ERG: variants seen among roughly 807,000 people sequenced by gnomAD.
The protein encoded by ERG is ETS transcription factor ERG, also known as transcriptional regulator ERG.
ERG carries 9 observed loss-of-function variants against 55.3 expected under a neutral mutation model. The observed-to-expected ratio is 0.16, with a 90% CI of 0.10 to 0.28. The LOEUF is 0.28. Ranked by LOEUF, ERG falls within the 10% of genes least tolerant of loss-of-function variation. The probability of loss-of-function intolerance (pLI) is 1.00; values close to 1 mark genes in which losing one functional copy is unlikely to be tolerated. For missense variants in ERG, 434 were observed against 631.6 expected, an observed-to-expected ratio of 0.69 and a Z score of 3.35; for synonymous variants, 223 against 237.3, an observed-to-expected ratio of 0.94 and a Z score of 0.55.
At chr21:38,605,391 G>C (rs2060190565) in intron 1 of ERG, among the ~76,000 whole-genome samples, 1 of 152,134 alleles carries the variant, frequency 6.6e-6, no homozygotes. Flanking sequence ...AGACTCGCCT[G>C]AGACAATCAG....
chr21:38,493,587 G>A (rs1394653554), intron 1 of ERG, among the ~76,000 whole-genome samples: 1 of 152,178 alleles, frequency 6.6e-6, no homozygotes, highest in Non-Finnish European at 1.5e-5. Flanking sequence ...GAGTAAAGAG[G>A]AGAGTGGGGT....
intron 1 of ERG, among the ~76,000 whole-genome samples, chr21:38,447,008 C>T: frequency 6.6e-6 from 1 of 152,082 alleles, no homozygotes; most frequent in Non-Finnish European, 1.5e-5. Context: ...AAGGGTGCTT[C>T]CCATCAGTAA....
intron 1 of ERG, among the ~76,000 whole-genome samples, chr21:38,656,450 C>T (rs975036387): frequency 3.5e-4 from 54 of 152,228 alleles, no homozygotes; most frequent in African/African-American, 1.3e-3. Context: ...ACCAGCTAAT[C>T]TGATTCCAGG....
upstream of ERG, among the ~76,000 whole-genome samples, chr21:38,586,163 C>G (rs71316649): frequency 0.044 from 5,002 of 113,558 alleles, 134 homozygotes; most frequent in Non-Finnish European, 0.071. Context: ...CCGTGTACAA[C>G]ATTATGTTTT....
intron 2 of ERG, among the ~76,000 whole-genome samples, chr21:38,549,051 T>G (rs895451880): frequency 1.1e-4 from 16 of 151,908 alleles, no homozygotes; most frequent in Admixed American, 2.6e-4. Context: ...AGGCGGAGCT[T>G]GCAGTGAGCC....
At chr21:38,564,072 G>C (rs977746201) in intron 2 of ERG, among the ~76,000 whole-genome samples, 6 of 150,604 alleles carry the variant, frequency 4.0e-5, no homozygotes, top group African/African-American at 1.5e-4. Context: ...CCCTGCAGAG[G>C]GGACTAAGAG....
chr21:38,556,567 A>G (rs1030137826), intron 2 of ERG, among the ~76,000 whole-genome samples: 26 of 152,018 alleles, frequency 1.7e-4, no homozygotes, highest in Admixed American at 1.6e-3. Context: ...CAGACAGACT[A>G]TATTTACCAG....
chr21:38,488,927 T>C (rs1324157456), intron 1 of ERG, among the ~76,000 whole-genome samples: 1 of 152,136 alleles, frequency 6.6e-6, no homozygotes, highest in Non-Finnish European at 1.5e-5. Context: ...CTTTAGAAAC[T>C]TTATATTTTT....
intron 2 of ERG, among the ~76,000 whole-genome samples, chr21:38,507,385 T>C (rs2059471024): frequency 6.6e-6 from 1 of 152,216 alleles, no homozygotes; most frequent in Non-Finnish European, 1.5e-5. Context: ...CCAGTAACTT[T>C]GCAGGTTTGT....
chr21:38,451,762 C>T (rs140844635), intron 1 of ERG, among the ~76,000 whole-genome samples: 1,870 of 152,266 alleles, frequency 0.012, 38 homozygotes, highest in African/African-American at 0.043. Context: ...TACTCCAGTC[C>T]TTCAGGAGTT....
At chr21:38,637,221 A>T (rs952298265) in intron 1 of ERG, among the ~76,000 whole-genome samples, 2 of 151,974 alleles carry the variant, frequency 1.3e-5, no homozygotes, top group African/African-American at 4.8e-5. Flanking sequence ...TGTGCATCCC[A>T]TATGTGTGTC....
At chr21:38,476,370 G>T (rs947286717) in intron 1 of ERG, among the ~76,000 whole-genome samples, 2 of 152,166 alleles carry the variant, frequency 1.3e-5, no homozygotes, top group Non-Finnish European at 2.9e-5. Context: ...CCACGTTTAG[G>T]TTTAGGAGCC....
At chr21:38,501,183 A>G (rs1200191422), upstream of ERG, among the ~76,000 whole-genome samples, 3 of 147,710 alleles carry the variant, frequency 2.0e-5, no homozygotes, top group Non-Finnish European at 4.4e-5. Context: ...CTCCTGCCTC[A>G]GCCTCCCGAG....
intron 2 of ERG, among the ~76,000 whole-genome samples, chr21:38,566,458 A>G (rs1206098591): frequency 6.6e-6 from 1 of 152,174 alleles, no homozygotes; most frequent in Non-Finnish European, 1.5e-5. Context: ...ATGTCTCTAA[A>G]ACACTCAACT....
intron 1 of ERG, among the ~76,000 whole-genome samples, chr21:38,493,044 T>C (rs1415871629): frequency 6.6e-6 from 1 of 152,188 alleles, no homozygotes; most frequent in Non-Finnish European, 1.5e-5. Flanking sequence ...GGAGAACTGG[T>C]ATAATCCTTC....
At chr21:38,385,592 T>C (rs1196581817) in intron 9 of ERG, among the ~76,000 whole-genome samples, 2 of 152,228 alleles carry the variant, frequency 1.3e-5, no homozygotes, top group Admixed American at 6.5e-5. Context: ...AGGTCAGCTT[T>C]TTCTGAATCT....
intron 1 of ERG, among the ~76,000 whole-genome samples, chr21:38,651,660 C>T (rs1051101315): frequency 7.9e-5 from 12 of 152,148 alleles, no homozygotes; most frequent in African/African-American, 2.9e-4. Flanking sequence ...TAAAACTACC[C>T]TTGAAGTTCA....
chr21:38,598,597 T>A (rs920665289), intron 1 of ERG, among the ~76,000 whole-genome samples: 1 of 152,120 alleles, frequency 6.6e-6, no homozygotes, highest in Non-Finnish European at 1.5e-5. Flanking sequence ...AGCGGTGCAC[T>A]CTCTAAAAAA....
chr21:38,381,031 T>C lies in ERG; in HGVS notation c.*2372A>G, dbSNP rs1987408075. 9.4e-7 allele frequency: 1 copy of C among 1,064,412 alleles called. No individual in the cohort carries two copies. Among genetic ancestry groups the C allele is most frequent in the African/African-American group, 1.6e-5 (1 of 61,128 alleles). The allele number at this position is 1,064,412 out of a possible 1,614,324, so 65.9% of individuals were successfully genotyped here. ...TTTTCCCTAAGGAGATACGGGCACT[T>C]TGTGGGCCTTCCCAGGCTGCTGCAA... is the stretch of plus-strand genomic sequence containing the variant. On this transcript the variant is annotated 3_prime_UTR_variant, in exon 10 of 10. Transcript: ENST00000288319.
Sources: gnomAD v4.1 joint callset for allele counts (sites outside exome capture counted in the v4.1 genomes callset) on GRCh38, gnomAD v4.1.1 for gene constraint, MANE v1.5 for transcripts, NCBI Gene and HGNC (gene_info 2026-07-23, HGNC 2026-07-21) for gene names.